Variants in PHF8 observed in about 807,000 individuals in gnomAD.
PHF8 encodes histone lysine demethylase PHF8.
PHF8 carries 9 observed loss-of-function variants against 74.4 expected under a neutral mutation model. That is an observed-to-expected ratio of 0.12 (90% CI 0.07 to 0.21). The LOEUF (loss-of-function observed/expected upper bound fraction) is 0.21. PHF8 is among the 10% of genes least tolerant of loss of function. The probability of loss-of-function intolerance (pLI) is 1.00; values close to 1 mark genes in which losing one functional copy is unlikely to be tolerated. For missense variants in PHF8, 478 were observed against 816.6 expected, an observed-to-expected ratio of 0.59 and a Z score of 5.05; for synonymous variants, 311 against 316.6, an observed-to-expected ratio of 0.98 and a Z score of 0.19.
chrX:54,027,579 C>T (rs781997592), intron 2 of PHF8, among the ~76,000 whole-genome samples: 66 of 111,347 alleles, frequency 5.9e-4, no homozygotes, highest in Non-Finnish European at 9.4e-5. Flanking sequence ...GTTTCCTGAC[C>T]TCCTTGTTGA....
intron 19 of PHF8, among the ~76,000 whole-genome samples, chrX:53,954,979 G>A (rs1569524556): frequency 9.0e-6 from 1 of 111,104 alleles, no homozygotes; most frequent in Non-Finnish European, 1.9e-5. Flanking sequence ...CCAGGCATAT[G>A]GGAAATCTCT....
At chrX:54,034,652 G>A (rs782760101) in intron 2 of PHF8, among the ~76,000 whole-genome samples, 3 of 109,174 alleles carry the variant, frequency 2.7e-5, no homozygotes, top group South Asian at 4.0e-4. Flanking sequence ...GTGAAACCCC[G>A]TTTCTACTAA....
intron 2 of PHF8, among the ~76,000 whole-genome samples, chrX:54,035,881 G>A (rs2066445034): frequency 9.0e-6 from 1 of 110,696 alleles, no homozygotes; most frequent in African/African-American, 3.3e-5. Context: ...GGAGGCCGAG[G>A]CAGGCGGATC....
chrX:53,981,518 T>G (rs377648764), intron 18 of PHF8, among the ~76,000 whole-genome samples: 57 of 111,938 alleles, frequency 5.1e-4, no homozygotes, highest in East Asian at 8.4e-4. Flanking sequence ...TCTGTTTTTT[T>G]TTTGTTTGTT....
intron 8 of PHF8, among the ~76,000 whole-genome samples, chrX:54,005,429 C>T (rs1156271304): frequency 2.0e-5 from 2 of 102,020 alleles, no homozygotes; most frequent in Non-Finnish European, 4.0e-5. Flanking sequence ...GAGTGACACT[C>T]CCTCTCAAAA....
At chrX:54,045,079 A>T, upstream of PHF8, 1 of 420,332 alleles carries the variant, frequency 2.4e-6, no homozygotes, top group Admixed American at 4.2e-5. Context: ...CCAGGCCCTC[A>T]GTGTAGTTCC....
rs2066577182 is a variant in PHF8, at chrX:54,042,538, G to A, written c.98+93C>T. On this transcript the variant is annotated intron_variant, in intron 2 of 21. Coordinates refer to ENST00000338154, the MANE Select transcript of PHF8 (RefSeq NM_015107.3). ...CTGAGTCTGGGAGAGGGGGTCCTGAGCCGGAATCTAAAAACAGAGCTGAGA... is the reference window on the plus strand; with the variant it reads ...CTGAGTCTGGGAGAGGGGGTCCTGAACCGGAATCTAAAAACAGAGCTGAGA... The A allele has an allele frequency of 3.8e-6, 3 of 791,491 alleles. No individual in the cohort carries two copies. In the Admixed American group the frequency reaches 7.8e-5, roughly 21 times the overall value. The allele number at this position is 791,491 out of a possible 1,213,427, so 65.2% of individuals were successfully genotyped here.
intron 2 of PHF8, among the ~76,000 whole-genome samples, chrX:54,037,092 A>G (rs2066476384): frequency 2.7e-5 from 3 of 111,142 alleles, no homozygotes; most frequent in Admixed American, 1.9e-4. Context: ...AAACCAAAGG[A>G]GGAAAAAAAT....
At chrX:54,020,060 C>T in intron 4 of PHF8, among the ~76,000 whole-genome samples, 1 of 109,671 alleles carries the variant, frequency 9.1e-6, no homozygotes. Flanking sequence ...GTGGCAGGCG[C>T]CAGTAATCCC....
chrX:53,980,706 T>C (rs2065466862), intron 18 of PHF8, among the ~76,000 whole-genome samples: 1 of 112,437 alleles, frequency 8.9e-6, no homozygotes, highest in Admixed American at 9.5e-5. Context: ...AAGAATCAAC[T>C]ACTGTCCTCC....
Position 54,011,878 on chromosome X carries a change from A to AG in PHF8, c.784-595_784-594insC, listed in dbSNP as rs1156946439. 1.6e-3 allele frequency among the ~76,000 whole-genome samples: 175 copies of AG among 109,957 alleles called. 1 individual carries two copies. Among genetic ancestry groups the AG allele is most frequent in the African/African-American group, 5.4e-3 (163 of 30,392 alleles). ...ATAATTTGGCAAAAAAAAAAAAAAA[A>AG]AAAGAAAGAAACAAAAACCCAGTAG... On this transcript the variant is annotated intron_variant, in intron 7 of 21. Transcript: ENST00000338154.
intron 19 of PHF8, among the ~76,000 whole-genome samples, chrX:53,948,826 C>A (rs918157047): frequency 9.2e-6 from 1 of 108,337 alleles, no homozygotes; most frequent in Non-Finnish European, 1.9e-5. Flanking sequence ...GAGTTCGAGA[C>A]CAGTCTGACC....
intron 2 of PHF8, among the ~76,000 whole-genome samples, chrX:54,023,662 T>C (rs4454424): frequency 0.023 from 2,444 of 104,893 alleles, 23 homozygotes; most frequent in Non-Finnish European, 0.039. Context: ...AGCCCAGGAG[T>C]TCAAGACCAG....
chrX:54,043,843 C>T lies in PHF8; in HGVS notation c.-174G>A. 1.3e-6 allele frequency: 1 copy of T among 754,036 alleles called. No individual in the cohort carries two copies. Among genetic ancestry groups the T allele is most frequent in the Non-Finnish European group, 1.6e-6 (1 of 638,626 alleles). 62.1% of individuals were successfully genotyped at this position (754,036 alleles called of 1,213,427 possible). A position where few individuals can be genotyped will look rare whatever the true frequency, so the allele number is the denominator to read the frequency against. The stretch of plus-strand genomic sequence containing the variant: ...AGAACGTCTTCAGTCCAGAATCCTA[C>T]AGGGACCTCCTCATGCTTTGGGCTG... On this transcript the variant is annotated 5_prime_UTR_variant, in exon 1 of 22. Transcript: ENST00000338154.
At chrX:53,971,409 A>G (rs1167520182) in intron 18 of PHF8, among the ~76,000 whole-genome samples, 1 of 111,546 alleles carries the variant, frequency 9.0e-6, no homozygotes, top group African/African-American at 3.3e-5. Context: ...TTCACAACTA[A>G]AAGAACTAGA....
chrX:53,953,328 A>G (rs781945227), intron 19 of PHF8, among the ~76,000 whole-genome samples: 2 of 118 alleles, frequency 0.017, no homozygotes, highest in South Asian at 1. Context: ...ATAGAGAGAT[A>G]AAAAAAAAAG....
upstream of PHF8, chrX:54,044,505 C>G (rs961027514): frequency 1.2e-3 from 698 of 603,500 alleles, 2 homozygotes; most frequent in Non-Finnish European, 1.3e-3. Flanking sequence ...AACCGCGAGC[C>G]GCCGGCTCCC....
At position 54,009,844 on chromosome X, in the gene PHF8, G is replaced by GGAAAAAAAA. The variant is rs2065952773; in HGVS notation, c.946+1277_946+1278insTTTTTTTTC. On this transcript the variant is annotated intron_variant, in intron 8 of 21. Transcript: ENST00000338154. ...GGTGACAGAGTGAGACTCTGTCTCA[G>GGAAAAAAAA]AAAAAAAAAAAAAAAAAAAAAAAAA... 5.1e-3 allele frequency among the ~76,000 whole-genome samples: 48 copies of GGAAAAAAAA among 9,390 alleles called. 3 individuals are homozygous for GGAAAAAAAA. The highest frequency in any genetic ancestry group is 0.077 in the Middle Eastern group (1 of 13). 8.2% of individuals were successfully genotyped at this position (9,390 alleles called of 115,157 possible). A position where few individuals can be genotyped will look rare whatever the true frequency, so the allele number is the denominator to read the frequency against.
chrX:54,036,337 G>T (rs1174122827), intron 2 of PHF8, among the ~76,000 whole-genome samples: 1 of 109,237 alleles, frequency 9.2e-6, no homozygotes, highest in Non-Finnish European at 1.9e-5. Flanking sequence ...TATATTCTCT[G>T]ACCACTATCA....
Sources: allele counts gnomAD v4.1 joint callset (sites outside exome capture counted in the v4.1 genomes callset), GRCh38; gene constraint gnomAD v4.1.1; transcripts MANE v1.5; gene names NCBI Gene and HGNC (gene_info 2026-07-23, HGNC 2026-07-21).